C1orf94: variants seen among roughly 807,000 people sequenced by gnomAD.
C1orf94 encodes the protein uncharacterized protein C1orf94.
C1orf94 carries 45 observed loss-of-function variants against 53.6 expected under a neutral mutation model. That is an observed-to-expected ratio of 0.84 (90% CI 0.66 to 1.08). The LOEUF is 1.08. Among genes scored for constraint, C1orf94 ranks in the 50% least tolerant of loss-of-function variants. C1orf94 has a pLI of 0.00. For missense variants in C1orf94, 762 were observed against 738.9 expected, an observed-to-expected ratio of 1.03 and a Z score of -0.36; for synonymous variants, 304 against 296.1, an observed-to-expected ratio of 1.03 and a Z score of -0.27.
chr1:34,171,327 G>C (rs1185327010), intron 1 of C1orf94, among the ~76,000 whole-genome samples: 2 of 152,132 alleles, frequency 1.3e-5, no homozygotes, highest in East Asian at 1.9e-4. Context: ...TCTGTGACTA[G>C]CCTTCTCCTA....
chr1:34,200,678 G>A (rs572347292), intron 2 of C1orf94, 94 bp from the exon 3 acceptor site: 12 of 1,526,118 alleles, frequency 7.9e-6, no homozygotes, highest in Admixed American at 7.3e-5. Flanking sequence ...GGTGTGTGCT[G>A]CAGAGGATTC....
In C1orf94 at chr1:34,202,304, T is replaced by G. The variant is rs756991108; in HGVS notation, c.1446+45T>G. The G allele has an allele frequency of 6.9e-6, 11 of 1,593,610 alleles. No individual in the cohort carries two copies. In the African/African-American group the frequency reaches 1.5e-4, roughly 21 times the overall value. ...TCTCCTGTGGACATCCACGGGGGTTTTGGCCACAGAGAAGGAGTGGCTGGC... is the reference window on the plus strand; with the variant it reads ...TCTCCTGTGGACATCCACGGGGGTTGTGGCCACAGAGAAGGAGTGGCTGGC... On this transcript the variant is annotated intron_variant, in intron 4 of 6. Coordinates refer to ENST00000488417, the MANE Select transcript of C1orf94 (RefSeq NM_001134734.2).
At chr1:34,172,984 C>T (rs773673948), upstream of C1orf94, among the ~76,000 whole-genome samples, 3 of 152,180 alleles carry the variant, frequency 2.0e-5, no homozygotes, top group Non-Finnish European at 2.9e-5. Context: ...CCTACAAAAG[C>T]GTTTGAGTCC....
intron 1 of C1orf94, among the ~76,000 whole-genome samples, chr1:34,171,032 T>C (rs1642138494): frequency 6.6e-6 from 1 of 152,194 alleles, no homozygotes; most frequent in Non-Finnish European, 1.5e-5. Context: ...CCACCAGCTA[T>C]CTTTTTAAAA....
Position 34,218,843 on chromosome 1 carries a change from A to G in C1orf94, c.*82A>G, listed in dbSNP as rs1332986148. 10 of 1,346,632 alleles carry G rather than the reference A, an allele frequency of 7.4e-6. No individual in the cohort carries two copies. The African/African-American group carries it at 1.2e-4, about 16-fold the overall frequency. The allele number at this position is 1,346,632 out of a possible 1,614,324, so 83.4% of individuals were successfully genotyped here. ...TTTTTGGATTCTGCAAAAGCTTGGT[A>G]TGAAGTTTGGAAAAGCAAGGTTCTG... On this transcript the variant is annotated 3_prime_UTR_variant, in exon 7 of 7. Coordinates refer to ENST00000488417, the MANE Select transcript of C1orf94 (RefSeq NM_001134734.2).
At chr1:34,194,979 T>C (rs1571342750) in intron 1 of C1orf94, among the ~76,000 whole-genome samples, 1 of 152,046 alleles carries the variant, frequency 6.6e-6, no homozygotes, top group Non-Finnish European at 1.5e-5. Flanking sequence ...AGACCGCAGA[T>C]TGGCAGCCCC....
intron 4 of C1orf94, 71 bp downstream of exon 4, chr1:34,202,330 A>G: frequency 6.6e-7 from 1 of 1,524,570 alleles, no homozygotes; most frequent in Non-Finnish European, 8.9e-7. Flanking sequence ...AGTGGCTGGC[A>G]GGGGGTCTAT....
chr1:34,186,234 A>G (rs1034573874), intron 1 of C1orf94, among the ~76,000 whole-genome samples: 11 of 152,096 alleles, frequency 7.2e-5, no homozygotes, highest in Non-Finnish European at 1.3e-4. Flanking sequence ...AGTTCCCCAA[A>G]CTTTCTGTGC....
At chr1:34,207,970 G>C (rs1285407523) in intron 4 of C1orf94, among the ~76,000 whole-genome samples, 187 bp from the exon 5 acceptor site, 1 of 152,202 alleles carries the variant, frequency 6.6e-6, no homozygotes, top group Non-Finnish European at 1.5e-5. Context: ...CTGCCTAAGA[G>C]GGGCTTCCTG....
At chr1:34,192,456 A>G (rs1642510055) in intron 1 of C1orf94, among the ~76,000 whole-genome samples, 1 of 152,198 alleles carries the variant, frequency 6.6e-6, no homozygotes, top group Non-Finnish European at 1.5e-5. Flanking sequence ...ACAGGTTGCA[A>G]CCAGCTCTTA....
intron 2 of C1orf94, among the ~76,000 whole-genome samples, chr1:34,199,903 C>T (rs1349723019): frequency 6.6e-6 from 1 of 152,160 alleles, no homozygotes; most frequent in Non-Finnish European, 1.5e-5. Context: ...TGTAAGGCCT[C>T]GCTGCAACCC....
At chr1:34,174,154 A>T (rs1458036767), upstream of C1orf94, among the ~76,000 whole-genome samples, 1 of 152,250 alleles carries the variant, frequency 6.6e-6, no homozygotes, top group Non-Finnish European at 1.5e-5. Flanking sequence ...GTAAGTGATT[A>T]TGTGAATTCG....
At chr1:34,178,213 A>G in intron 1 of C1orf94, 104 bp downstream of exon 1, 1 of 1,244,456 alleles carries the variant, frequency 8.0e-7, no homozygotes, top group South Asian at 1.5e-5. Context: ...GTGAAACCCT[A>G]AAGGCTGTAT....
chr1:34,197,172 C>G lies in C1orf94; in HGVS notation c.321-53C>G. The G allele has an allele frequency of 3.5e-6, 5 of 1,444,920 alleles. No homozygotes were observed. Among genetic ancestry groups the G allele is most frequent in the Non-Finnish European group, 4.6e-6 (5 of 1,088,210 alleles). The allele number at this position is 1,444,920 out of a possible 1,614,324, so 89.5% of individuals were successfully genotyped here. On this transcript the variant is annotated intron_variant, in intron 1 of 6. Coordinates refer to ENST00000488417, the MANE Select transcript of C1orf94 (RefSeq NM_001134734.2). This position sits in a 1 kb window ranked among gnomAD's most constrained non-coding sequence, Gnocchi z 4.1. ...TGGGGCCTATGTCCTTCTGCAAAGC[C>G]ACGCCTTGGTGAGCTGGCACTAACA...
chr1:34,183,539 G>A, intron 1 of C1orf94, among the ~76,000 whole-genome samples: 1 of 152,204 alleles, frequency 6.6e-6, no homozygotes, highest in East Asian at 1.9e-4. Context: ...CATGAACACA[G>A]ATACATCTGA....
intron 1 of C1orf94, among the ~76,000 whole-genome samples, chr1:34,195,534 A>C (rs1642565224): frequency 6.6e-6 from 1 of 152,016 alleles, no homozygotes; most frequent in South Asian, 2.1e-4. Flanking sequence ...CTGCTGGACT[A>C]TTGGTACATT....
chr1:34,179,120 TAAGAAGAAAAGCA>T (rs1052756559), intron 1 of C1orf94, among the ~76,000 whole-genome samples: 53 of 152,346 alleles, frequency 3.5e-4, no homozygotes, highest in African/African-American at 1.2e-3. Context: ...AAGCAAGAGC[TAAGAAGAAAAGCA>T]AAGTGTAAAT....
intron 1 of C1orf94, among the ~76,000 whole-genome samples, chr1:34,186,879 T>G (rs551016237): frequency 2.6e-5 from 4 of 152,366 alleles, no homozygotes; most frequent in South Asian, 2.1e-4. Flanking sequence ...GTCTGTGTCT[T>G]ACTCATCTTT....
intron 1 of C1orf94, among the ~76,000 whole-genome samples, chr1:34,181,171 C>A (rs556199636): frequency 1.3e-5 from 2 of 152,154 alleles, no homozygotes; most frequent in African/African-American, 2.4e-5. Context: ...TTTCGATACC[C>A]CTTTGGATAG....
Sources: gnomAD v4.1 joint callset for allele counts (sites outside exome capture counted in the v4.1 genomes callset) on GRCh38, gnomAD v4.1.1 for gene constraint, Gnocchi (gnomAD v3.1) non-coding constraint, MANE v1.5 for transcripts, NCBI Gene and HGNC (gene_info 2026-07-23, HGNC 2026-07-21) for gene names.